The following MOV10 variants were observed in gnomAD, a reference collection of about 807,000 sequenced individuals.
MOV10 encodes RNA helicase MOV-10.
Under a neutral mutation model 108.4 loss-of-function variants are expected in MOV10, and 39 were observed. The ratio of observed to expected loss-of-function variants is 0.36; its 90% CI spans 0.28 to 0.47. The LOEUF is 0.47. MOV10 is among the 20% of genes least tolerant of loss of function. The pLI is 1.00. For missense variants in MOV10, 952 were observed against 1,297.6 expected (o/e 0.73, Z 4.09); for synonymous variants, 490 against 523.1 (o/e 0.94, Z 0.86).
Position 112,689,047 on chromosome 1 carries a change from G to T in MOV10, c.250G>T (p.Asp84Tyr). Reference sequence around the variant, plus strand: ...GTTCTTCAGACTCGACCGCTGGGCCGACGTGCGGTTCCCAGAAAAGAGGAG... The same window carrying T: ...GTTCTTCAGACTCGACCGCTGGGCCTACGTGCGGTTCCCAGAAAAGAGGAG... The part of the protein sequence containing the change: ...VRFFRLDRWA[D>Y]VRFPEKRRMK... The change falls in exon 3 of 21, where the codon GAC (aspartate) becomes TAC (tyrosine). Residue 84 changes from aspartate to tyrosine, a missense_variant. Transcript: ENST00000369645. 6.2e-7 allele frequency: 1 copy of T among 1,612,634 alleles called. No individual in the cohort carries two copies. Among genetic ancestry groups the T allele is most frequent in the Non-Finnish European group, 8.5e-7 (1 of 1,180,036 alleles).
rs370405350 is a variant in MOV10 at position 112,684,330 on chromosome 1, C to T, written c.138-4605C>T. ...TTGCCCAGGCTGGAGTGCAATGGCGCGAACTCAGCTCACTGCAACCTCCGC... is the reference window on the plus strand; with the variant it reads ...TTGCCCAGGCTGGAGTGCAATGGCGTGAACTCAGCTCACTGCAACCTCCGC... On this transcript the variant is annotated intron_variant, in intron 2 of 20. Transcript: ENST00000369645. 2.3e-4 allele frequency among the ~76,000 whole-genome samples: 34 copies of T among 144,686 alleles called. No homozygotes were observed. In the East Asian group the frequency reaches 5.1e-3, roughly 22 times the overall value. The allele number at this position is 144,686 out of a possible 152,430, so 94.9% of individuals were successfully genotyped here.
Position 112,694,426 on chromosome 1 carries a change from ACT to A in MOV10, c.1296-24_1296-23del, listed in dbSNP as rs1372268265. 6.2e-7 allele frequency: 1 copy of A among 1,613,200 alleles called. No homozygotes were observed. The highest frequency in any genetic ancestry group is 1.3e-5 in the African/African-American group (1 of 74,808). On this transcript the variant is annotated intron_variant, in intron 8 of 20. Coordinates refer to ENST00000369645, the MANE Select transcript of MOV10 (RefSeq NM_001321324.2). This position sits in a 1 kb window ranked among gnomAD's most constrained non-coding sequence, Gnocchi z 4.1. ...TTGCCCACCTCCCCTGCCCCAACAAACTCTTACCACCTCTCTCTGCCCAAAGC... is the reference window on the plus strand; with the variant it reads ...TTGCCCACCTCCCCTGCCCCAACAAACTTACCACCTCTCTCTGCCCAAAGC...
chr1:112,689,377 TCCC>T, intron 3 of MOV10, 35 bp from the exon 4 acceptor site: 2 of 792,806 alleles, frequency 2.5e-6, no homozygotes, highest in Non-Finnish European at 4.5e-6. Context: ...GTCAGACCGC[TCCC>T]ACCCCAACCC....
chr1:112,690,650 G>A (rs1227498633), intron 5 of MOV10, among the ~76,000 whole-genome samples: 3 of 152,084 alleles, frequency 2.0e-5, no homozygotes, highest in East Asian at 1.9e-4. Flanking sequence ...GCGAGCCACC[G>A]TGCCCAGCCA....
chr1:112,688,807 C>T, intron 2 of MOV10, 128 bp from the exon 3 acceptor site: 2 of 1,517,706 alleles, frequency 1.3e-6, no homozygotes, highest in Admixed American at 2.0e-5. Context: ...CTCTGGGCCC[C>T]ATCCTGCTCC....
Position 112,694,467 on chromosome 1 carries a change from T to A in MOV10, c.1310T>A (p.Phe437Tyr). 1 of 1,613,994 alleles carries A rather than the reference T, an allele frequency of 6.2e-7. No homozygotes were observed. Among genetic ancestry groups the A allele is most frequent in the Non-Finnish European group, 8.5e-7 (1 of 1,180,012 alleles). ...LSFSMSLLSR[F>Y]VDGLTFKVNF... ...TCTGCCCAAAGCCTCCTGAGCCGCT[T>A]TGTGGATGGGCTGACCTTCAAGGTG... Residue 437 changes from phenylalanine to tyrosine, a missense_variant, in exon 9 of 21, where the codon TTT becomes TAT. By Grantham distance (22) the Phe-to-Tyr change is conservative. Around this residue, in one of 5 missense-constraint regions of MOV10, gnomAD observed 453 missense variants for 611.5 expected, o/e 0.74. Coordinates refer to ENST00000369645, the MANE Select transcript of MOV10 (RefSeq NM_001321324.2). The surrounding 1 kb of genome is among the most constrained non-coding windows in gnomAD (Gnocchi z 4.1).
intron 5 of MOV10, among the ~76,000 whole-genome samples, chr1:112,690,373 G>C (rs1280386137): frequency 6.6e-6 from 1 of 152,046 alleles, no homozygotes; most frequent in East Asian, 1.9e-4. Context: ...TTTTGTTTTT[G>C]TTTTGAGATG....
chr1:112,695,229 G>T (rs1326023393), intron 10 of MOV10, among the ~76,000 whole-genome samples, 187 bp from the exon 11 acceptor site: 1 of 152,148 alleles, frequency 6.6e-6, no homozygotes, highest in Non-Finnish European at 1.5e-5. Flanking sequence ...CAAAAAAAAG[G>T]GTGGGGATTG....
In MOV10 at chr1:112,677,121, T is replaced by C. The variant is rs115296546; in HGVS notation, c.137+2072T>C. ...GAGAAGATGGCATTGACTTTAGCCT[T>C]GAAAGAGATAAAATTTTAGTACATA... On this transcript the variant is annotated intron_variant, in intron 2 of 20. Coordinates refer to ENST00000369645, the MANE Select transcript of MOV10 (RefSeq NM_001321324.2). Among the ~76,000 whole-genome samples, 1,261 of 152,266 alleles carry C rather than the reference T, an allele frequency of 8.3e-3. 18 individuals are homozygous for C. Among genetic ancestry groups the C allele is most frequent in the African/African-American group, 0.029 (1,197 of 41,526 alleles).
In MOV10 at chr1:112,689,510, A is replaced by G; in HGVS notation, c.437A>G (p.Asn146Ser). 6.2e-7 allele frequency: 1 copy of G among 1,614,048 alleles called. No individual in the cohort carries two copies. Among genetic ancestry groups the G allele is most frequent in the Non-Finnish European group, 8.5e-7 (1 of 1,180,002 alleles). The change falls in exon 4 of 21, where the codon AAC (asparagine) becomes AGC (serine). Residue 146 changes from asparagine (N) to serine (S), a missense_variant. Asn to Ser is a conservative substitution (Grantham distance 46). Transcript: ENST00000369645. ...DGQLLIRLDL[N>S]RKEVLTLRLR... ...CAGCTCCTTATCCGCCTGGATTTGAACCGCAAAGAGGTGCTGACCCTGAGG... is the reference window on the plus strand; with the variant it reads ...CAGCTCCTTATCCGCCTGGATTTGAGCCGCAAAGAGGTGCTGACCCTGAGG...
intron 18 of MOV10, 40 bp from the exon 19 acceptor site, chr1:112,699,854 G>T (rs748624831): frequency 6.2e-7 from 1 of 1,613,996 alleles, no homozygotes. Flanking sequence ...CCATTCTCGG[G>T]GCTCTTCCCT....
At chr1:112,674,605 C>G (rs1672028415), upstream of MOV10, 1 of 250,012 alleles carries the variant, frequency 4.0e-6, no homozygotes, top group African/African-American at 2.3e-5. Flanking sequence ...CTGATACTGG[C>G]TAGAAGCCAG....
intron 2 of MOV10, chr1:112,688,519 A>G: frequency 4.6e-6 from 5 of 1,088,118 alleles, no homozygotes; most frequent in Non-Finnish European, 5.6e-6. Context: ...ACCCCTCTGA[A>G]TCAAATCATT....
At chr1:112,690,646 C>T (rs1401841547) in intron 5 of MOV10, among the ~76,000 whole-genome samples, 1 of 152,192 alleles carries the variant, frequency 6.6e-6, no homozygotes, top group Non-Finnish European at 1.5e-5. Flanking sequence ...AGGGGCGAGC[C>T]ACCGTGCCCA....
chr1:112,694,324 T>A lies in MOV10; in HGVS notation c.1296-129T>A. ...ACCCTGAGATGCTACGGCAGCTTCC[T>A]CTTCTAGAGAACTTGCATAGAGGTC... On this transcript the variant is annotated intron_variant, in intron 8 of 20. Coordinates refer to ENST00000369645, the MANE Select transcript of MOV10 (RefSeq NM_001321324.2). This position sits in a 1 kb window ranked among gnomAD's most constrained non-coding sequence, Gnocchi z 4.1. 1 of 1,419,232 alleles carries A rather than the reference T, an allele frequency of 7.0e-7. No individual in the cohort carries two copies. Among genetic ancestry groups the A allele is most frequent in the Non-Finnish European group, 9.8e-7 (1 of 1,024,258 alleles). 87.9% of individuals were successfully genotyped at this position (1,419,232 alleles called of 1,614,324 possible). A position where few individuals can be genotyped will look rare whatever the true frequency, so the allele number is the denominator to read the frequency against.
chr1:112,698,580 C>A, intron 16 of MOV10, 102 bp downstream of exon 16: 1 of 1,446,674 alleles, frequency 6.9e-7, no homozygotes, highest in Non-Finnish European at 9.6e-7. Flanking sequence ...TAGGCCTCTG[C>A]TGGCTCCGTA....
Position 112,689,647 on chromosome 1 carries a change from C to T in MOV10, c.574C>T (p.Pro192Ser), listed in dbSNP as rs1570780638. 1 of 1,613,234 alleles carries T rather than the reference C, an allele frequency of 6.2e-7. No individual in the cohort carries two copies. The highest frequency in any genetic ancestry group is 8.5e-7 in the Non-Finnish European group (1 of 1,179,240). ...CCAGGAGTTGCCCTGTCCACTGGGCCCCGGTGAGTGAGTTTCCAAAGGAAA... is the reference window on the plus strand; with the variant it reads ...CCAGGAGTTGCCCTGTCCACTGGGCTCCGGTGAGTGAGTTTCCAAAGGAAA... Reference protein sequence around the residue: ...EDQELPCPLGPGECYELHVHC... With the variant: ...EDQELPCPLGSGECYELHVHC... Residue 192 changes from proline to serine, a missense_variant, in exon 4 of 21, where the codon CCC becomes TCC. Coordinates refer to ENST00000369645, the MANE Select transcript of MOV10 (RefSeq NM_001321324.2).
chr1:112,696,537 G>A lies in MOV10; in HGVS notation c.1981+3G>A. The A allele has an allele frequency of 1.2e-6, 2 of 1,613,452 alleles. No individual in the cohort carries two copies. The highest frequency in any genetic ancestry group is 1.1e-5 in the South Asian group (1 of 91,068). On this transcript the variant is annotated splice_donor_region_variant and intron_variant, in intron 13 of 20. Coordinates refer to ENST00000369645, the MANE Select transcript of MOV10 (RefSeq NM_001321324.2). Reference sequence around the variant, plus strand: ...TGAGAGTCTGGTAGCTATAGCAGGTGAGGGACTCAGGTGGGGCTGCAGGTA... The same window carrying A: ...TGAGAGTCTGGTAGCTATAGCAGGTAAGGGACTCAGGTGGGGCTGCAGGTA...
intron 17 of MOV10, 82 bp from the exon 18 acceptor site, chr1:112,699,603 T>C: frequency 1.3e-6 from 2 of 1,594,300 alleles, no homozygotes; most frequent in South Asian, 2.3e-5. Context: ...CTCTGTACCC[T>C]CCTTGGAAGG....
Sources: gnomAD v4.1 joint callset for allele counts (sites outside exome capture counted in the v4.1 genomes callset) on GRCh38, gnomAD v4.1.1 for gene constraint, gnomAD v4.1.1 regional missense constraint, Gnocchi (gnomAD v3.1) non-coding constraint, MANE v1.5 for transcripts, NCBI Gene and HGNC (gene_info 2026-07-23, HGNC 2026-07-21) for gene names.